CDC42SE2: variants seen among roughly 807,000 people sequenced by gnomAD.
CDC42SE2 encodes CDC42 small effector protein 2.
In CDC42SE2, 3 loss-of-function variants were observed where a neutral mutation model predicts 11.5. The ratio of observed to expected loss-of-function variants is 0.26; its 90% CI spans 0.12 to 0.67. The LOEUF is 0.67. CDC42SE2 is among the 30% of genes least tolerant of loss of function. The probability of loss-of-function intolerance (pLI) is 0.80; values close to 1 mark genes in which losing one functional copy is unlikely to be tolerated. For synonymous variants in CDC42SE2, 33 were observed against 34.8 expected, an observed-to-expected ratio of 0.95 and a Z score of 0.18; for missense variants, 82 against 106.8, an observed-to-expected ratio of 0.77 and a Z score of 1.02.
chr5:131,273,289 G>A (rs1267156664), intron 1 of CDC42SE2, among the ~76,000 whole-genome samples: 1 of 148,836 alleles, frequency 6.7e-6, no homozygotes, highest in East Asian at 2.0e-4. Flanking sequence ...CCGAGTACCT[G>A]GGACTACAGG....
chr5:131,338,811 C>G (rs1224624455), intron 2 of CDC42SE2, among the ~76,000 whole-genome samples: 2 of 152,154 alleles, frequency 1.3e-5, no homozygotes, highest in African/African-American at 2.4e-5. Context: ...TATGTACCTA[C>G]ATACCAGTGT....
At chr5:131,335,461 G>A (rs942039307) in intron 2 of CDC42SE2, among the ~76,000 whole-genome samples, 5 of 152,188 alleles carry the variant, frequency 3.3e-5, no homozygotes, top group Admixed American at 2.6e-4. Flanking sequence ...GGGGTGGAGA[G>A]TTCTGTAGAT....
intron 2 of CDC42SE2, among the ~76,000 whole-genome samples, chr5:131,339,534 C>T (rs191601335): frequency 5.9e-5 from 9 of 152,078 alleles, no homozygotes; most frequent in South Asian, 2.1e-4. Context: ...TGGCCAAGCG[C>T]GGTTGCTCAT....
At chr5:131,274,701 T>C (rs964878614) in intron 1 of CDC42SE2, among the ~76,000 whole-genome samples, 1 of 152,180 alleles carries the variant, frequency 6.6e-6, no homozygotes, top group Non-Finnish European at 1.5e-5. Flanking sequence ...ACGTCCTGCT[T>C]GTCTGATTTC....
At chr5:131,301,985 C>CTTTTTCT (rs1357382823) in intron 1 of CDC42SE2, among the ~76,000 whole-genome samples, 16 of 151,888 alleles carry the variant, frequency 1.1e-4, no homozygotes, top group Non-Finnish European at 1.9e-4. Flanking sequence ...GCAGCACCTC[C>CTTTTTCT]TTTTTCTTTT....
intron 2 of CDC42SE2, among the ~76,000 whole-genome samples, chr5:131,317,289 C>T (rs889956860): frequency 6.6e-6 from 1 of 152,112 alleles, no homozygotes; most frequent in African/African-American, 2.4e-5. Context: ...CAGGTTCTCT[C>T]CTTTATGTTT....
chr5:131,251,885 G>A (rs1449497609), intron 1 of CDC42SE2, among the ~76,000 whole-genome samples: 2 of 152,096 alleles, frequency 1.3e-5, no homozygotes, highest in Non-Finnish European at 2.9e-5. Flanking sequence ...GGTGGCACAC[G>A]CCTCTGATCC....
intron 2 of CDC42SE2, among the ~76,000 whole-genome samples, chr5:131,351,695 CAG>C (rs746922362): frequency 1.6e-4 from 25 of 151,946 alleles, no homozygotes; most frequent in East Asian, 1.9e-4. Flanking sequence ...TAATTAAAAA[CAG>C]ATTATAGGTA....
chr5:131,221,156 G>C, the CDC42SE2 span, among the ~76,000 whole-genome samples: 2 of 152,144 alleles, frequency 1.3e-5, no homozygotes, highest in South Asian at 2.1e-4. Flanking sequence ...AGAGTGCTAA[G>C]ATTACAGACG....
rs1580794565 is a variant in CDC42SE2 at position 131,391,736 on chromosome 5, T to C, written c.*645T>C. The C allele has an allele frequency of 3.3e-5, 5 of 152,240 alleles. No homozygotes were observed. Among genetic ancestry groups the C allele is most frequent in the Admixed American group, 3.3e-4 (5 of 15,280 alleles). 9.4% of individuals were successfully genotyped at this position (152,240 alleles called of 1,614,324 possible). Reference sequence around the variant, plus strand: ...ATTTTACAGTTAAGACTTCATTGTTTATAAACTTTTCAAATTAATTAAAAA... The same window carrying C: ...ATTTTACAGTTAAGACTTCATTGTTCATAAACTTTTCAAATTAATTAAAAA... On this transcript the variant is annotated 3_prime_UTR_variant, in exon 5 of 5. Coordinates refer to ENST00000505065, the MANE Select transcript of CDC42SE2 (RefSeq NM_001375635.1).
chr5:131,290,014 T>C (rs1179169436), intron 1 of CDC42SE2, among the ~76,000 whole-genome samples: 1 of 152,040 alleles, frequency 6.6e-6, no homozygotes, highest in Non-Finnish European at 1.5e-5. Context: ...GGCTAATTAT[T>C]TTATTTTACT....
rs1403630805 is a variant in CDC42SE2 at position 131,344,933 on chromosome 5, G to C, written c.-285-14276G>C. Among the ~76,000 whole-genome samples, 4 of 152,244 alleles carry C rather than the reference G, an allele frequency of 2.6e-5. No individual in the cohort carries two copies. In the South Asian group the frequency reaches 8.3e-4, roughly 32 times the overall value. ...AAACTCCAACAGACCTGCAGCTGAG[G>C]GTCCTGACTGTTAGAAGGAAAACTA... On this transcript the variant is annotated intron_variant, in intron 2 of 4. Coordinates refer to ENST00000505065, the MANE Select transcript of CDC42SE2 (RefSeq NM_001375635.1).
At chr5:131,350,095 A>G (rs1758966233) in intron 2 of CDC42SE2, among the ~76,000 whole-genome samples, 1 of 152,044 alleles carries the variant, frequency 6.6e-6, no homozygotes, top group Admixed American at 6.6e-5. Flanking sequence ...AATCAAATAT[A>G]TTTGTTTAAT....
intron 1 of CDC42SE2, among the ~76,000 whole-genome samples, chr5:131,288,924 CA>C (rs905174541): frequency 2.6e-5 from 4 of 152,170 alleles, no homozygotes; most frequent in African/African-American, 9.7e-5. Flanking sequence ...CACCACTTTT[CA>C]AATTGATTAC....
At chr5:131,221,510 T>A in the CDC42SE2 span, among the ~76,000 whole-genome samples, 4 of 150,836 alleles carry the variant, frequency 2.7e-5, no homozygotes, top group African/African-American at 9.8e-5. Context: ...TTAGCTACTA[T>A]ACAAAATACC....
At chr5:131,239,378 A>C in the CDC42SE2 span, among the ~76,000 whole-genome samples, 6 of 152,158 alleles carry the variant, frequency 3.9e-5, 1 homozygote, top group South Asian at 1.2e-3. Context: ...TCAAGGCTGC[A>C]GGGAGCCATG....
intron 2 of CDC42SE2, among the ~76,000 whole-genome samples, chr5:131,333,637 T>C (rs1758477479): frequency 6.6e-6 from 1 of 152,214 alleles, no homozygotes; most frequent in Admixed American, 6.5e-5. Flanking sequence ...TCCTCTTTTA[T>C]TTCATTGAGC....
chr5:131,252,174 A>G (rs944829401), intron 1 of CDC42SE2, among the ~76,000 whole-genome samples: 5 of 152,200 alleles, frequency 3.3e-5, no homozygotes, highest in African/African-American at 1.2e-4. Flanking sequence ...GGTTACAAGA[A>G]GCTTATCAAG....
intron 2 of CDC42SE2, among the ~76,000 whole-genome samples, chr5:131,334,474 C>T (rs1261905790): frequency 6.6e-6 from 1 of 152,172 alleles, no homozygotes; most frequent in African/African-American, 2.4e-5. Flanking sequence ...TGATGCTGGC[C>T]TCCCTAAAAT....
Sources: allele counts gnomAD v4.1 joint callset (sites outside exome capture counted in the v4.1 genomes callset), GRCh38; gene constraint gnomAD v4.1.1; transcripts MANE v1.5; gene names NCBI Gene and HGNC (gene_info 2026-07-23, HGNC 2026-07-21).